CEP135: variants seen among roughly 807,000 people sequenced by gnomAD.
CEP135 encodes the protein centrosomal protein 135.
Under a neutral mutation model 157.3 loss-of-function variants are expected in CEP135, and 142 were observed. That is an observed-to-expected ratio of 0.90 (90% CI 0.79 to 1.04). CEP135 has a LOEUF of 1.04. Ranked by LOEUF, CEP135 falls within the 50% of genes least tolerant of loss-of-function variation. CEP135 has a pLI of 0.00. For synonymous variants in CEP135, 396 were observed against 439.8 expected, an observed-to-expected ratio of 0.90 and a Z score of 1.25; for missense variants, 1,317 against 1,309.2, an observed-to-expected ratio of 1.01 and a Z score of -0.09.
rs544129813 is a variant in CEP135 at position 56,008,302 on chromosome 4, T to G, written c.2281-25T>G. The G allele has an allele frequency of 1.2e-4, 195 of 1,571,938 alleles. No individual in the cohort carries two copies. In the South Asian group the frequency reaches 2.1e-3, roughly 17 times the overall value. On this transcript the variant is annotated intron_variant, in intron 17 of 25. Transcript: ENST00000257287. ...GCTAAAGACATTTTGGTTTAAAATC[T>G]TACACATTTTTGTAATTTCTATAGG...
At chr4:55,962,191 C>T (rs1728703699) in intron 6 of CEP135, among the ~76,000 whole-genome samples, 1 of 152,130 alleles carries the variant, frequency 6.6e-6, no homozygotes, top group African/African-American at 2.4e-5. Flanking sequence ...GCTCTTCCTC[C>T]TGGATTCATG....
intron 25 of CEP135, among the ~76,000 whole-genome samples, chr4:56,029,413 A>G (rs1389836805): frequency 6.6e-6 from 1 of 152,170 alleles, no homozygotes; most frequent in African/African-American, 2.4e-5. Flanking sequence ...TCCTGAAGCT[A>G]TTTAGTGGCC....
chr4:55,958,333 G>A (rs1560397921), intron 5 of CEP135, among the ~76,000 whole-genome samples: 1 of 152,140 alleles, frequency 6.6e-6, no homozygotes, highest in Non-Finnish European at 1.5e-5. Flanking sequence ...TACTTAGGAG[G>A]CTGAGGTAGG....
rs144275235 is a variant in CEP135, at chr4:56,027,520, A to G, written c.*11+2906A>G. On this transcript the variant is annotated intron_variant, in intron 25 of 25. Transcript: ENST00000257287. ...AGACCTGTAAGAAAATAAGAGTGAAAGGCAAATAATTCCTTGGTTTTATGA... is the reference window on the plus strand; with the variant it reads ...AGACCTGTAAGAAAATAAGAGTGAAGGGCAAATAATTCCTTGGTTTTATGA... Among the ~76,000 whole-genome samples the G allele has an allele frequency of 1.9e-3, 283 of 152,326 alleles. 2 individuals are homozygous for G. Among genetic ancestry groups the G allele is most frequent in the African/African-American group, 6.4e-3 (268 of 41,568 alleles).
intron 8 of CEP135, 155 bp downstream of exon 8, chr4:55,966,014 G>A (rs370246892): frequency 1.8e-5 from 11 of 616,844 alleles, no homozygotes; most frequent in African/African-American, 1.8e-5. Context: ...TTTCTGAAGT[G>A]TTGTTTACAC....
At chr4:56,007,298 TAGATGGTGGCTAAAGCCC>T (rs1730386197) in intron 17 of CEP135, among the ~76,000 whole-genome samples, 1 of 152,194 alleles carries the variant, frequency 6.6e-6, no homozygotes, top group Non-Finnish European at 1.5e-5. Flanking sequence ...TTTTTGTCAC[TAGATGGTGGCTAAAGCCC>T]AAGTTTGCCT....
chr4:55,996,438 A>AT (rs1037385272), intron 15 of CEP135, among the ~76,000 whole-genome samples: 8 of 151,590 alleles, frequency 5.3e-5, no homozygotes, highest in Admixed American at 2.6e-4. Flanking sequence ...CATTCCTAAC[A>AT]TTTTTTTTTC....
intron 13 of CEP135, among the ~76,000 whole-genome samples, chr4:55,984,002 A>G (rs1367773138): frequency 1.3e-5 from 2 of 152,254 alleles, no homozygotes; most frequent in South Asian, 4.1e-4. Context: ...TGTTCTGGTC[A>G]TTGTTCTCCC....
At chr4:56,024,640 CA>C (rs757715609) in intron 25 of CEP135, 26 bp downstream of exon 25, 108 of 1,406,516 alleles carry the variant, frequency 7.7e-5, no homozygotes, top group Non-Finnish European at 1.0e-4. Context: ...CAAGGACAGG[CA>C]AAACTAATCT....
At chr4:55,979,562 A>T (rs997049468) in intron 11 of CEP135, among the ~76,000 whole-genome samples, 2 of 152,144 alleles carry the variant, frequency 1.3e-5, no homozygotes, top group African/African-American at 4.8e-5. Context: ...ATCATAGAAA[A>T]CACTGAGAAA....
At chr4:55,966,082 T>G (rs1026128274) in intron 8 of CEP135, 3 of 446,048 alleles carry the variant, frequency 6.7e-6, no homozygotes, top group Non-Finnish European at 1.2e-5. Context: ...GCACACCTAT[T>G]CTTAGGATGG....
chr4:55,955,126 G>T (rs773172011), intron 4 of CEP135, among the ~76,000 whole-genome samples: 13 of 151,980 alleles, frequency 8.6e-5, no homozygotes, highest in Non-Finnish European at 1.6e-4. Context: ...GTTGGTGATT[G>T]TTCAGCAGGT....
At chr4:55,962,714 T>G (rs28507080) in intron 6 of CEP135, among the ~76,000 whole-genome samples, 30,698 of 149,290 alleles carry the variant, frequency 0.21, 3,329 homozygotes, top group Non-Finnish European at 0.25. Flanking sequence ...TTTCCAGTTT[T>G]CTTTTTTTTA....
chr4:55,954,401 C>G lies in CEP135; in HGVS notation c.472+18C>G, dbSNP rs73155552. Reference sequence around the variant, plus strand: ...AACTCCAGGTAAATCGATTCCTTCTCGAGACAAATTATACACATTTAATCT... The same window carrying G: ...AACTCCAGGTAAATCGATTCCTTCTGGAGACAAATTATACACATTTAATCT... On this transcript the variant is annotated intron_variant, in intron 4 of 25. Coordinates refer to ENST00000257287, the MANE Select transcript of CEP135 (RefSeq NM_025009.5). 2 of 1,571,720 alleles carry G rather than the reference C, an allele frequency of 1.3e-6. No individual in the cohort carries two copies. The highest frequency in any genetic ancestry group is 1.7e-4 in the Middle Eastern group (1 of 5,832).
At chr4:55,991,492 A>G (rs895704252) in intron 14 of CEP135, among the ~76,000 whole-genome samples, 8 of 151,948 alleles carry the variant, frequency 5.3e-5, no homozygotes, top group Non-Finnish European at 1.0e-4. Flanking sequence ...CCTGTACATT[A>G]TGTCAGGTTA....
intron 13 of CEP135, 86 bp downstream of exon 13, chr4:55,981,465 G>T: frequency 8.3e-7 from 1 of 1,208,752 alleles, no homozygotes; most frequent in Admixed American, 2.7e-5. Context: ...GTTACTATTG[G>T]CCAAATCCAG....
chr4:55,982,285 A>G, intron 13 of CEP135, among the ~76,000 whole-genome samples: 1 of 152,178 alleles, frequency 6.6e-6, no homozygotes. Flanking sequence ...GAACTTGTAT[A>G]CAACTTTTTG....
At chr4:55,972,133 G>A (rs1196022935) in intron 10 of CEP135, among the ~76,000 whole-genome samples, 1 of 151,830 alleles carries the variant, frequency 6.6e-6, no homozygotes, top group Non-Finnish European at 1.5e-5. Flanking sequence ...CTGGGTGACA[G>A]AATGAGATTC....
chr4:55,984,791 A>G (rs1202535713), intron 13 of CEP135, among the ~76,000 whole-genome samples: 1 of 152,186 alleles, frequency 6.6e-6, no homozygotes, highest in Non-Finnish European at 1.5e-5. Context: ...GTAACCAGAA[A>G]AATAGTCCCT....
Sources: allele counts gnomAD v4.1 joint callset (sites outside exome capture counted in the v4.1 genomes callset), GRCh38; gene constraint gnomAD v4.1.1; transcripts MANE v1.5; gene names NCBI Gene and HGNC (gene_info 2026-07-23, HGNC 2026-07-21).